The following FANCC variants were observed in gnomAD, a reference collection of about 807,000 sequenced individuals.
FANCC encodes FA complementation group C.
FANCC carries 55 observed loss-of-function variants against 71.3 expected under a neutral mutation model. That is an observed-to-expected ratio of 0.77 (90% CI 0.62 to 0.97). FANCC has a LOEUF of 0.97. Among genes scored for constraint, FANCC ranks in the 50% least tolerant of loss-of-function variants. The pLI is 0.00. For missense variants in FANCC, 678 were observed against 670.9 expected (o/e 1.01, Z -0.12); for synonymous variants, 275 against 244.9 (o/e 1.12, Z -1.15).
intron 8 of FANCC, among the ~76,000 whole-genome samples, chr9:95,132,169 A>G (rs1490278339): frequency 6.6e-6 from 1 of 152,218 alleles, no homozygotes; most frequent in Non-Finnish European, 1.5e-5. Context: ...GGGCTCTGCC[A>G]GCAAATGGGA....
intron 4 of FANCC, among the ~76,000 whole-genome samples, chr9:95,178,167 T>C (rs777370398): frequency 2.0e-5 from 3 of 152,134 alleles, no homozygotes; most frequent in Non-Finnish European, 4.4e-5. Context: ...TAGTCTCTTC[T>C]GTAGTGAAAA....
chr9:95,305,004 A>T (rs560621122), intron 1 of FANCC, among the ~76,000 whole-genome samples: 21 of 152,164 alleles, frequency 1.4e-4, no homozygotes, highest in Non-Finnish European at 2.4e-4. Context: ...AACAAGAGAA[A>T]TTCAACTGTT....
At chr9:95,160,872 T>A (rs1055036544) in intron 6 of FANCC, among the ~76,000 whole-genome samples, 1 of 152,262 alleles carries the variant, frequency 6.6e-6, no homozygotes, top group Non-Finnish European at 1.5e-5. Context: ...TTTTGCACAC[T>A]GATTTTGTAT....
chr9:95,208,113 T>G (rs1022047321), intron 4 of FANCC, among the ~76,000 whole-genome samples: 9 of 92,168 alleles, frequency 9.8e-5, no homozygotes, highest in Admixed American at 3.9e-4. Flanking sequence ...TTTTTTTTTT[T>G]TGTGATGGAG....
At chr9:95,103,862 C>T (rs551156728) in intron 14 of FANCC, among the ~76,000 whole-genome samples, 3 of 152,204 alleles carry the variant, frequency 2.0e-5, no homozygotes, top group African/African-American at 4.8e-5. Context: ...TGGAGCCACT[C>T]GCTCAAGCCA....
intron 4 of FANCC, among the ~76,000 whole-genome samples, chr9:95,182,618 G>T (rs920196123): frequency 3.9e-5 from 6 of 152,122 alleles, no homozygotes; most frequent in Admixed American, 2.6e-4. Context: ...TGGGACCACT[G>T]GGGTGAGAAG....
chr9:95,283,994 A>C lies in FANCC; in HGVS notation c.-79+33532T>G, dbSNP rs116389301. On this transcript the variant is annotated intron_variant, in intron 1 of 14. Coordinates refer to ENST00000289081, the MANE Select transcript of FANCC (RefSeq NM_000136.3). ...CCTAGTAGGGTTGCTGTGAATAATA[A>C]AATACATTAATTACACAGAAAGCAC... Among the ~76,000 whole-genome samples, 759 of 152,322 alleles carry C rather than the reference A, an allele frequency of 5.0e-3. 4 individuals carry two copies. Among genetic ancestry groups the C allele is most frequent in the African/African-American group, 0.017 (690 of 41,558 alleles).
At position 95,217,377 on chromosome 9, in the gene FANCC, C is replaced by T. The variant is rs549189356; in HGVS notation, c.345+23272G>A. On this transcript the variant is annotated intron_variant, in intron 4 of 14. Coordinates refer to ENST00000289081, the MANE Select transcript of FANCC (RefSeq NM_000136.3). Reference sequence around the variant, plus strand: ...GTGGGCGCCTGTGGTCCCAGCTACTCGGGAGGCTGAGGCAGGAGAATGGCA... The same window carrying T: ...GTGGGCGCCTGTGGTCCCAGCTACTTGGGAGGCTGAGGCAGGAGAATGGCA... Among the ~76,000 whole-genome samples, 11 of 151,412 alleles carry T rather than the reference C, an allele frequency of 7.3e-5. 1 individual carries two copies. Among genetic ancestry groups the T allele is most frequent in the Admixed American group, 1.3e-4 (2 of 15,216 alleles).
intron 1 of FANCC, among the ~76,000 whole-genome samples, chr9:95,287,682 T>G (rs1833767968): frequency 1.3e-5 from 2 of 152,250 alleles, no homozygotes; most frequent in African/African-American, 4.8e-5. Flanking sequence ...TCCATCTGAC[T>G]ACCTTACCAC....
intron 1 of FANCC, among the ~76,000 whole-genome samples, chr9:95,264,979 G>A (rs1321217476): frequency 6.9e-6 from 1 of 145,424 alleles, no homozygotes; most frequent in South Asian, 2.1e-4. Context: ...CTGTGTTTGT[G>A]GCTTTTTTTT....
intron 4 of FANCC, among the ~76,000 whole-genome samples, chr9:95,203,130 T>C (rs527712703): frequency 7.4e-4 from 113 of 152,268 alleles, no homozygotes; most frequent in African/African-American, 2.6e-3. Flanking sequence ...CAGTGGCTCA[T>C]GCCACTTTGT....
intron 1 of FANCC, among the ~76,000 whole-genome samples, chr9:95,271,151 G>A (rs891828899): frequency 7.2e-5 from 11 of 152,210 alleles, no homozygotes; most frequent in African/African-American, 2.4e-4. Flanking sequence ...CCAGTGGGCA[G>A]AGGCCAGGTA....
intron 1 of FANCC, among the ~76,000 whole-genome samples, chr9:95,286,394 T>C (rs1162627145): frequency 6.6e-6 from 1 of 152,190 alleles, no homozygotes; most frequent in African/African-American, 2.4e-5. Context: ...CCAGGAAAGA[T>C]TTCCTTGCTC....
chr9:95,237,824 T>C (rs150837284), intron 4 of FANCC, among the ~76,000 whole-genome samples: 1 of 152,324 alleles, frequency 6.6e-6, no homozygotes, highest in African/African-American at 2.4e-5. Flanking sequence ...ATTTCAAAGA[T>C]ACATCATGAA....
intron 8 of FANCC, 44 bp downstream of exon 8, chr9:95,135,302 A>G: frequency 6.7e-7 from 1 of 1,484,378 alleles, no homozygotes; most frequent in Non-Finnish European, 9.4e-7. Flanking sequence ...GATTCCAAGC[A>G]TCTCCTTCAA....
At chr9:95,214,681 A>G (rs1234710390) in intron 4 of FANCC, among the ~76,000 whole-genome samples, 1 of 152,228 alleles carries the variant, frequency 6.6e-6, no homozygotes, top group African/African-American at 2.4e-5. Flanking sequence ...CCTAAAAAGG[A>G]AGGAAATTCT....
intron 14 of FANCC, among the ~76,000 whole-genome samples, chr9:95,104,199 G>A (rs2071268523): frequency 1.3e-5 from 2 of 152,332 alleles, no homozygotes; most frequent in African/African-American, 2.4e-5. Flanking sequence ...CCTGCCACGC[G>A]GCCACCGCAG....
At chr9:95,243,952 T>C (rs371520311) in intron 3 of FANCC, among the ~76,000 whole-genome samples, 5 of 152,218 alleles carry the variant, frequency 3.3e-5, no homozygotes, top group East Asian at 1.9e-4. Context: ...AGCCAGGGCA[T>C]ACCTCAACAG....
intron 13 of FANCC, among the ~76,000 whole-genome samples, chr9:95,108,050 G>A (rs1287602218): frequency 3.3e-5 from 5 of 152,204 alleles, no homozygotes; most frequent in Non-Finnish European, 7.3e-5. Context: ...CATGGAACTC[G>A]TGAACAGCTA....
Sources: allele counts gnomAD v4.1 joint callset (sites outside exome capture counted in the v4.1 genomes callset), GRCh38; gene constraint gnomAD v4.1.1; transcripts MANE v1.5; gene names NCBI Gene and HGNC (gene_info 2026-07-23, HGNC 2026-07-21).